The following CCDC33 variants were observed in gnomAD, a reference collection of about 807,000 sequenced individuals.
CCDC33 encodes the protein coiled-coil domain containing 33.
A neutral mutation model predicts 91.9 loss-of-function variants in CCDC33; 94 were observed. The ratio of observed to expected loss-of-function variants is 1.02; its 90% CI spans 0.87 to 1.21. The LOEUF is 1.21. CCDC33 is among the 50% of genes most tolerant of loss of function. The probability of loss-of-function intolerance (pLI) is 0.00; values close to 1 mark genes in which losing one functional copy is unlikely to be tolerated. For missense variants in CCDC33, 940 were observed against 935.5 expected (o/e 1.00, Z -0.06); for synonymous variants, 396 against 374.5 (o/e 1.06, Z -0.66).
At chr15:74,308,602 G>C (rs944906541) in intron 11 of CCDC33, among the ~76,000 whole-genome samples, 4 of 152,128 alleles carry the variant, frequency 2.6e-5, no homozygotes, top group African/African-American at 9.7e-5. Flanking sequence ...TTCAAGGAGG[G>C]GGGACAGCGT....
chr15:74,279,878 A>G (rs62003683), intron 7 of CCDC33, 85 bp from the exon 8 acceptor site: 17,813 of 1,517,756 alleles, frequency 0.012, 131 homozygotes, highest in Non-Finnish European at 0.014. Context: ...TGACAAATCT[A>G]GATACACAAA....
rs1312799209 is a variant in CCDC33 at position 74,262,497 on chromosome 15, C to T, written c.243C>T (p.Thr81=). ...NQSSKAVTSV[T]SEPTRAPIWG... ...GCTCCAAGGCAGTCACATCTGTGAC[C>T]TCAGAGCCCACCAGAGCCCCTATCT... The change falls in exon 3 of 19, where the codon ACC becomes ACT. Residue 81 remains threonine (T), a synonymous_variant. Coordinates refer to ENST00000398814, the MANE Select transcript of CCDC33 (RefSeq NM_025055.5). The T allele has an allele frequency of 2.5e-6, 4 of 1,614,072 alleles. No individual in the cohort carries two copies. The highest frequency in any genetic ancestry group is 3.4e-6 in the Non-Finnish European group (4 of 1,179,994).
At position 74,207,897 on chromosome 15, in the gene CCDC33, C is replaced by T. The variant is rs10152959; in HGVS notation, n.90-1491C>T. On this transcript the variant is annotated intron_variant and non_coding_transcript_variant, in intron 1 of 3. Coordinates refer to the CCDC33 transcript ENST00000558645. Reference sequence around the variant, plus strand: ...ACAGTGGGCTGGAAGGCAGTGTCGTCGGCTGCCGTGCTCACGGCAGGAAGA... The same window carrying T: ...ACAGTGGGCTGGAAGGCAGTGTCGTTGGCTGCCGTGCTCACGGCAGGAAGA... 0.25 allele frequency: 365,058 copies of T among 1,489,078 alleles called. 45,878 individuals are homozygous for T. Among genetic ancestry groups the T allele is most frequent in the East Asian group, 0.3 (12,198 of 40,144 alleles). 92.2% of individuals were successfully genotyped at this position (1,489,078 alleles called of 1,614,324 possible).
chr15:74,288,840 T>A (rs2059529398), intron 10 of CCDC33, among the ~76,000 whole-genome samples: 1 of 152,232 alleles, frequency 6.6e-6, no homozygotes, highest in South Asian at 2.1e-4. Context: ...GGCTTGAATC[T>A]GGATCTTCCA....
At chr15:74,305,604 G>C (rs2059879006) in intron 11 of CCDC33, among the ~76,000 whole-genome samples, 1 of 152,232 alleles carries the variant, frequency 6.6e-6, no homozygotes, top group Non-Finnish European at 1.5e-5. Context: ...GGGAGCAAAA[G>C]TGTCTGGTGC....
intron 2 of CCDC33, among the ~76,000 whole-genome samples, chr15:74,254,765 GA>G (rs11329669): frequency 0.18 from 8,414 of 45,946 alleles, 855 homozygotes; most frequent in African/African-American, 0.4. Context: ...TTTTTTTTTT[GA>G]GACGGAGTTT....
chr15:74,295,854 C>T lies in CCDC33; in HGVS notation c.1196C>T (p.Ser399Phe), dbSNP rs745558245. Residue 399 changes from serine to phenylalanine, a missense_variant, in exon 11 of 19, where the codon TCC (serine) becomes TTC (phenylalanine). Transcript: ENST00000398814. ...CTGAGAACCATCCAAGAGTCCTGGT[C>T]CAAGGACACAGTGAGCTCCACAATG... ...KKLRTIQESW[S>F]KDTVSSTMDL... The T allele has an allele frequency of 1.2e-6, 2 of 1,614,162 alleles. No individual in the cohort carries two copies. Among genetic ancestry groups the T allele is most frequent in the Non-Finnish European group, 8.5e-7 (1 of 1,180,028 alleles).
chr15:74,309,047 C>A (rs192833217), intron 11 of CCDC33, among the ~76,000 whole-genome samples: 2 of 152,108 alleles, frequency 1.3e-5, no homozygotes, highest in Non-Finnish European at 2.9e-5. Context: ...GGGAGCTGAC[C>A]GTCCAGATGG....
chr15:74,234,397 G>A (rs1223322463), upstream of CCDC33, among the ~76,000 whole-genome samples: 1 of 152,200 alleles, frequency 6.6e-6, no homozygotes, highest in Non-Finnish European at 1.5e-5. Context: ...TCTGGGCTGG[G>A]GATATAGAGC....
chr15:74,293,285 A>G (rs532632236), intron 10 of CCDC33, among the ~76,000 whole-genome samples: 57 of 152,292 alleles, frequency 3.7e-4, no homozygotes, highest in African/African-American at 1.3e-3. Flanking sequence ...CCTGGAAATG[A>G]GCAGAAATGT....
intron 6 of CCDC33, 79 bp from the exon 7 acceptor site, chr15:74,272,690 CAG>C (rs1442073760): frequency 7.1e-6 from 11 of 1,557,850 alleles, no homozygotes; most frequent in Non-Finnish European, 9.5e-6. Flanking sequence ...TGCATCAACC[CAG>C]AGTCTAAGCG....
intron 1 of CCDC33, among the ~76,000 whole-genome samples, chr15:74,237,222 T>G (rs940047660): frequency 3.3e-5 from 5 of 152,228 alleles, no homozygotes; most frequent in African/African-American, 1.2e-4. Flanking sequence ...TTTTTGTGTG[T>G]TTTGTTGATC....
intron 2 of CCDC33, among the ~76,000 whole-genome samples, chr15:74,219,303 T>C (rs565009273): frequency 1.3e-5 from 2 of 152,256 alleles, no homozygotes; most frequent in East Asian, 3.9e-4. Context: ...CTAGTCCTTA[T>C]CCGAAATATA....
chr15:74,240,407 G>A (rs558500893), intron 1 of CCDC33, among the ~76,000 whole-genome samples: 1 of 152,294 alleles, frequency 6.6e-6, no homozygotes, highest in African/African-American at 2.4e-5. Context: ...GAGGCCCTGT[G>A]CCCTCACAGC....
intron 2 of CCDC33, among the ~76,000 whole-genome samples, chr15:74,226,867 G>C (rs1485331935): frequency 1.3e-5 from 2 of 152,110 alleles, no homozygotes; most frequent in African/African-American, 4.8e-5. Context: ...GTGAGCAAAG[G>C]CGTGGAGGTA....
Position 74,218,717 on chromosome 15 carries a change from A to C in CCDC33, c.531A>C (p.Thr177=), listed in dbSNP as rs1567210848. The change falls in exon 2 of 3, where the codon ACA becomes ACC. Residue 177 remains threonine (T), a synonymous_variant. Coordinates refer to the CCDC33 transcript ENST00000635913. The surrounding 1 kb of genome is among the most constrained non-coding windows in gnomAD (Gnocchi z 4.8). ...TGCTCCGGGCTAGCACGGACCCCAC[A>C]GCCCGACACTGTGGGAGCCTGGCCT... 2 of 1,289,712 alleles carry C rather than the reference A, an allele frequency of 1.6e-6. No individual in the cohort carries two copies. The highest frequency in any genetic ancestry group is 3.0e-5 in the African/African-American group (2 of 65,870). 79.9% of individuals were successfully genotyped at this position (1,289,712 alleles called of 1,614,324 possible).
chr15:74,311,419 G>A (rs1266510082), intron 11 of CCDC33: 1 of 152,230 alleles, frequency 6.6e-6, no homozygotes, highest in Non-Finnish European at 1.5e-5. Context: ...TTCAGGCCTG[G>A]AGAGCACAGT....
rs1276992237 is a variant in CCDC33 at position 74,280,214 on chromosome 15, C to T, written c.889+122C>T. Reference sequence around the variant, plus strand: ...GATGGATGGTTCCCAGGTGTCCAGGCGGCTTCCTAATGCAGGCAGAGGAGA... The same window carrying T: ...GATGGATGGTTCCCAGGTGTCCAGGTGGCTTCCTAATGCAGGCAGAGGAGA... On this transcript the variant is annotated intron_variant, in intron 8 of 18. Coordinates refer to ENST00000398814, the MANE Select transcript of CCDC33 (RefSeq NM_025055.5). 18 of 1,236,336 alleles carry T rather than the reference C, an allele frequency of 1.5e-5. No individual in the cohort carries two copies. The highest frequency in any genetic ancestry group is 1.3e-4 in the Admixed American group (6 of 45,754). 76.6% of individuals were successfully genotyped at this position (1,236,336 alleles called of 1,614,324 possible).
chr15:74,314,810 C>T (rs758152051), intron 11 of CCDC33, among the ~76,000 whole-genome samples: 10 of 152,290 alleles, frequency 6.6e-5, no homozygotes, highest in East Asian at 1.9e-4. Context: ...GCACATGTCC[C>T]GCCTCCGGGA....
Sources: allele counts gnomAD v4.1 joint callset (sites outside exome capture counted in the v4.1 genomes callset), GRCh38; gene constraint gnomAD v4.1.1; non-coding constraint Gnocchi (gnomAD v3.1); transcripts MANE v1.5; gene names NCBI Gene and HGNC (gene_info 2026-07-23, HGNC 2026-07-21).